Variants in NUMB observed in about 807,000 individuals in gnomAD.
NUMB encodes the protein protein numb homolog.
In NUMB, 29 loss-of-function variants were observed where a neutral mutation model predicts 59.7. That is an observed-to-expected ratio of 0.49 (90% CI 0.36 to 0.66). The LOEUF (loss-of-function observed/expected upper bound fraction) is 0.66, where lower values mean the gene tolerates loss of function less well. Ranked by LOEUF, NUMB falls within the 30% of genes least tolerant of loss-of-function variation. The probability of loss-of-function intolerance (pLI) is 0.00; values close to 1 mark genes in which losing one functional copy is unlikely to be tolerated. For missense variants in NUMB, 723 were observed against 822.0 expected, an observed-to-expected ratio of 0.88 and a Z score of 1.47; for synonymous variants, 288 against 288.2, an observed-to-expected ratio of 1.00 and a Z score of 0.01.
chr14:73,392,067 T>C (rs1401067057), intron 2 of NUMB, among the ~76,000 whole-genome samples: 1 of 152,200 alleles, frequency 6.6e-6, no homozygotes, highest in Non-Finnish European at 1.5e-5. Flanking sequence ...TGGGGAAATA[T>C]TACCTTGATT....
At chr14:73,297,677 A>G (rs200713600) in intron 6 of NUMB, 2 of 167,246 alleles carry the variant, frequency 1.2e-5, no homozygotes, top group East Asian at 1.8e-4. Context: ...CACCACAAGT[A>G]GCGTCCACAA....
intron 2 of NUMB, among the ~76,000 whole-genome samples, chr14:73,397,764 C>A (rs201084854): frequency 2.4e-4 from 36 of 152,286 alleles, no homozygotes; most frequent in African/African-American, 8.4e-4. Flanking sequence ...TATTCACACA[C>A]ATACATTCAT....
At chr14:73,436,843 G>C (rs1898074603) in intron 1 of NUMB, among the ~76,000 whole-genome samples, 1 of 151,430 alleles carries the variant, frequency 6.6e-6, no homozygotes, top group South Asian at 2.1e-4. Flanking sequence ...GCTGGGCGTG[G>C]TGGTGCCTGC....
intron 6 of NUMB, among the ~76,000 whole-genome samples, chr14:73,301,631 G>A (rs1203833001): frequency 6.6e-6 from 1 of 152,146 alleles, no homozygotes; most frequent in African/African-American, 2.4e-5. Flanking sequence ...TGTAGAGACA[G>A]GGTCTTGCCC....
intron 1 of NUMB, among the ~76,000 whole-genome samples, chr14:73,444,001 G>A (rs1411328589): frequency 6.6e-6 from 1 of 151,668 alleles, no homozygotes; most frequent in Non-Finnish European, 1.5e-5. Flanking sequence ...ACCACTTCCC[G>A]GGTTCAAGTG....
In NUMB at chr14:73,379,746, T is replaced by C. The variant is rs528763203; in HGVS notation, c.-100-12765A>G. Among the ~76,000 whole-genome samples, 22 of 152,254 alleles carry C rather than the reference T, an allele frequency of 1.4e-4. 1 individual carries two copies. The South Asian group carries it at 4.1e-3, about 29-fold the overall frequency. On this transcript the variant is annotated intron_variant, in intron 2 of 12. Transcript: ENST00000555238. The stretch of plus-strand genomic sequence containing the variant: ...TCCTGAGGCAAGTGTACAAGTCCTT[T>C]AGATGGAAGTTGCAGTGTTAGAGGA...
chr14:73,406,098 T>TTTA (rs1555379367), intron 2 of NUMB, among the ~76,000 whole-genome samples: 2 of 151,242 alleles, frequency 1.3e-5, no homozygotes, highest in African/African-American at 4.9e-5. Flanking sequence ...TTTTGTTTTT[T>TTTA]TTTTTTTTTA....
intron 1 of NUMB, among the ~76,000 whole-genome samples, chr14:73,423,917 G>C (rs1897465761): frequency 7.3e-6 from 1 of 137,440 alleles, no homozygotes; most frequent in Non-Finnish European, 1.5e-5. Context: ...AGTGAGCTGA[G>C]ATTGCGCCAT....
intron 4 of NUMB, among the ~76,000 whole-genome samples, chr14:73,346,123 A>G (rs1027929529): frequency 6.6e-6 from 1 of 152,156 alleles, no homozygotes; most frequent in Non-Finnish European, 1.5e-5. Context: ...GAGAAGCACT[A>G]GATTAAGTTT....
intron 1 of NUMB, among the ~76,000 whole-genome samples, chr14:73,431,973 C>T (rs973358389): frequency 6.6e-6 from 1 of 151,806 alleles, no homozygotes; most frequent in South Asian, 2.1e-4. Flanking sequence ...TAATTAAACA[C>T]TTTCCAAAAA....
intron 5 of NUMB, among the ~76,000 whole-genome samples, chr14:73,318,657 T>C (rs1891213032): frequency 6.6e-6 from 1 of 152,204 alleles, no homozygotes; most frequent in Non-Finnish European, 1.5e-5. Context: ...GCAGTAACAA[T>C]GGGCAATAGT....
intron 4 of NUMB, among the ~76,000 whole-genome samples, chr14:73,348,546 T>C (rs976890983): frequency 7.9e-5 from 12 of 152,184 alleles, no homozygotes; most frequent in Admixed American, 3.3e-4. Context: ...TAGATTCTCA[T>C]AGGAGCGCGA....
chr14:73,384,243 C>T (rs1170562324), intron 2 of NUMB, among the ~76,000 whole-genome samples: 1 of 151,828 alleles, frequency 6.6e-6, no homozygotes, highest in Non-Finnish European at 1.5e-5. Context: ...GGCCCACCAC[C>T]ATGCCCAGCT....
At chr14:73,280,215 G>C (rs1016207496) in intron 11 of NUMB, among the ~76,000 whole-genome samples, 1 of 151,780 alleles carries the variant, frequency 6.6e-6, no homozygotes, top group Non-Finnish European at 1.5e-5. Flanking sequence ...TATATGATTC[G>C]TTATTATGTG....
intron 1 of NUMB, among the ~76,000 whole-genome samples, chr14:73,443,453 G>T (rs1883220292): frequency 6.6e-6 from 1 of 152,020 alleles, no homozygotes. Flanking sequence ...AAATTAGCCA[G>T]GCGTGGTGGC....
intron 1 of NUMB, among the ~76,000 whole-genome samples, chr14:73,450,703 C>T (rs1461373724): frequency 6.6e-6 from 1 of 151,754 alleles, no homozygotes; most frequent in African/African-American, 2.4e-5. Context: ...GCAGGATAAT[C>T]GCTTGAACCT....
intron 6 of NUMB, among the ~76,000 whole-genome samples, chr14:73,309,753 T>TAATAAA (rs200989878): frequency 4.2e-5 from 6 of 143,504 alleles, no homozygotes; most frequent in Non-Finnish European, 9.0e-5. Flanking sequence ...ATAATAATAA[T>TAATAAA]AATAAAAATA....
chr14:73,394,393 TGCAG>T (rs1896015459), intron 2 of NUMB, among the ~76,000 whole-genome samples: 1 of 146,540 alleles, frequency 6.8e-6, no homozygotes, highest in Non-Finnish European at 1.5e-5. Context: ...TTATTGTCTT[TGCAG>T]TTTTCTTTAA....
intron 1 of NUMB, among the ~76,000 whole-genome samples, chr14:73,413,715 G>A (rs765703974): frequency 1.3e-5 from 2 of 151,950 alleles, no homozygotes; most frequent in Non-Finnish European, 2.9e-5. Context: ...CAGAGATTGC[G>A]CCACTGCCCA....
Sources: gnomAD v4.1 joint callset for allele counts (sites outside exome capture counted in the v4.1 genomes callset) on GRCh38, gnomAD v4.1.1 for gene constraint, MANE v1.5 for transcripts, NCBI Gene and HGNC (gene_info 2026-07-23, HGNC 2026-07-21) for gene names.